The following HERC2 variants were observed in gnomAD, a reference collection of about 807,000 sequenced individuals.
HERC2 encodes the protein E3 ubiquitin-protein ligase HERC2.
A neutral mutation model predicts 537.7 loss-of-function variants in HERC2; 102 were observed. That is an observed-to-expected ratio of 0.19 (90% CI 0.16 to 0.22). The LOEUF (loss-of-function observed/expected upper bound fraction) is 0.22. HERC2 is among the 10% of genes least tolerant of loss of function. The probability of loss-of-function intolerance (pLI) is 1.00; values close to 1 mark genes in which losing one functional copy is unlikely to be tolerated. For synonymous variants in HERC2, 2,224 were observed against 2,466.2 expected (o/e 0.90, Z 2.91); for missense variants, 4,236 against 6,198.2 (o/e 0.68, Z 10.63).
Position 28,157,707 on chromosome 15 carries a change from A to AT in HERC2, c.10747-4878dup, listed in dbSNP as rs1370862733. On this transcript the variant is annotated intron_variant, in intron 69 of 92. Transcript: ENST00000261609. ...AAAAAACCAGCTCCTGGCTTCATTGATTTTTTGAAGGGTTTTTTGTGTCTC... is the reference window on the plus strand; with the variant it reads ...AAAAAACCAGCTCCTGGCTTCATTGATTTTTTTGAAGGGTTTTTTGTGTCTC... 9.3e-4 allele frequency among the ~76,000 whole-genome samples: 141 copies of AT among 152,138 alleles called. 3 individuals are homozygous for AT. Among genetic ancestry groups the AT allele is most frequent in the African/African-American group, 3.1e-3 (129 of 41,496 alleles).
chr15:28,114,312 G>A (rs1377964489), intron 90 of HERC2, among the ~76,000 whole-genome samples: 1 of 152,212 alleles, frequency 6.6e-6, no homozygotes. Context: ...ACACAGCCCT[G>A]TCCCAGGGAA....
In HERC2 at chr15:28,111,370, T is replaced by C. The variant is rs147271386; in HGVS notation, c.*393A>G. On this transcript the variant is annotated 3_prime_UTR_variant, in exon 93 of 93. Transcript: ENST00000261609. ...ATTTGTTACACAGTTATTTCCAATA[T>C]ACAATCAAGACGACTCACGACACTT... 1.1e-3 allele frequency: 227 copies of C among 204,744 alleles called. 1 individual carries two copies. The highest frequency in any genetic ancestry group is 4.9e-3 in the African/African-American group (212 of 43,548). The allele number at this position is 204,744 out of a possible 1,614,324, so 12.7% of individuals were successfully genotyped here.
At chr15:28,156,194 C>T (rs28784029) in intron 69 of HERC2, among the ~76,000 whole-genome samples, 27,453 of 152,118 alleles carry the variant, frequency 0.18, 3,473 homozygotes, top group Non-Finnish European at 0.29. Flanking sequence ...GGTCAGGTAG[C>T]GTGATGCCTC....
chr15:28,236,647 GTA>G (rs1387181515), intron 26 of HERC2, among the ~76,000 whole-genome samples: 6 of 151,890 alleles, frequency 4.0e-5, no homozygotes, highest in Non-Finnish European at 1.5e-5. Flanking sequence ...GAGTGCAGTG[GTA>G]TGATCATGAC....
chr15:28,310,769 G>A (rs1340155801), intron 2 of HERC2, among the ~76,000 whole-genome samples: 1 of 152,110 alleles, frequency 6.6e-6, no homozygotes, highest in African/African-American at 2.4e-5. Flanking sequence ...AACAGAAACA[G>A]AGAAGGTGAA....
chr15:28,129,721 G>A (rs1297940628), intron 83 of HERC2, among the ~76,000 whole-genome samples: 1 of 151,894 alleles, frequency 6.6e-6, no homozygotes, highest in African/African-American at 2.4e-5. Flanking sequence ...GAAGATGACA[G>A]GGCCAAAGCC....
At chr15:28,315,540 C>G (rs2077058929) in intron 2 of HERC2, 4 of 422,642 alleles carry the variant, frequency 9.5e-6, no homozygotes, top group South Asian at 8.1e-5. Flanking sequence ...CATGCTTGTA[C>G]TCCCAGCACT....
At chr15:28,279,156 C>G (rs2075957202) in intron 5 of HERC2, among the ~76,000 whole-genome samples, 1 of 152,096 alleles carries the variant, frequency 6.6e-6, no homozygotes, top group South Asian at 2.1e-4. Context: ...CAAGCCCCGG[C>G]TAATTTTTTT....
intron 40 of HERC2, 50 bp downstream of exon 40, chr15:28,214,605 G>T (rs1899675411): frequency 1.3e-6 from 2 of 1,597,498 alleles, no homozygotes; most frequent in African/African-American, 1.4e-5. Flanking sequence ...CTGAGTGACG[G>T]CACTGCGCCG....
chr15:28,131,141 A>C (rs538799050), intron 81 of HERC2, among the ~76,000 whole-genome samples: 1 of 152,170 alleles, frequency 6.6e-6, no homozygotes, highest in Non-Finnish European at 1.5e-5. Context: ...TTAATTCTGA[A>C]CTCAAATTAA....
chr15:28,245,592 CACACACACACACAGAT>C (rs1903608470), intron 23 of HERC2, among the ~76,000 whole-genome samples: 1 of 139,664 alleles, frequency 7.2e-6, no homozygotes, highest in Non-Finnish European at 1.6e-5. Context: ...CACACACACA[CACACACACACACAGAT>C]ATATATATAC....
intron 19 of HERC2, 111 bp downstream of exon 19, chr15:28,255,761 G>A: frequency 1.7e-6 from 2 of 1,144,638 alleles, no homozygotes; most frequent in South Asian, 3.2e-5. Flanking sequence ...AAAATACTTG[G>A]ATATGATAAA....
At chr15:28,277,209 G>A (rs1470911459) in intron 5 of HERC2, among the ~76,000 whole-genome samples, 1 of 152,154 alleles carries the variant, frequency 6.6e-6, no homozygotes, top group East Asian at 1.9e-4. Context: ...TGGGTATAAA[G>A]GGCCCTTGTC....
In HERC2 at chr15:28,121,369, C is replaced by T. The variant is rs1012750196; in HGVS notation, c.13249G>A (p.Val4417Ile). 21 of 1,614,034 alleles carry T rather than the reference C, an allele frequency of 1.3e-5. No homozygotes were observed. Among genetic ancestry groups the T allele is most frequent in the Non-Finnish European group, 1.5e-5 (18 of 1,180,018 alleles). Residue 4417 changes from valine (V) to isoleucine (I), a missense_variant, in exon 86 of 93, where the codon GTC becomes ATC. Transcript: ENST00000261609. The stretch of plus-strand genomic sequence containing the variant: ...ACCTGGATGCGGTTCAGCTCCACGA[C>T]GGGGCCATGCTGACGATCGCGTACC... Reference protein sequence around the residue: ...TMVRDRQHGPVVELNRIQVKR... With the variant: ...TMVRDRQHGPIVELNRIQVKR...
intron 87 of HERC2, 44 bp downstream of exon 87, chr15:28,116,969 C>G: frequency 1.2e-6 from 2 of 1,613,456 alleles, no homozygotes; most frequent in South Asian, 2.2e-5. Context: ...CTCAGGCGAC[C>G]ACTGCCGGGG....
At chr15:28,178,258 T>C (rs1895487480) in intron 59 of HERC2, among the ~76,000 whole-genome samples, 1 of 152,212 alleles carries the variant, frequency 6.6e-6, no homozygotes, top group East Asian at 1.9e-4. Context: ...CACTGTGTGG[T>C]GCTTGCCTCT....
chr15:28,257,609 T>C (rs2075300499), intron 16 of HERC2, among the ~76,000 whole-genome samples: 1 of 152,190 alleles, frequency 6.6e-6, no homozygotes, highest in Non-Finnish European at 1.5e-5. Context: ...AATTGTTAGA[T>C]GCATATGACA....
rs1893796989 is a variant in HERC2, at chr15:28,163,205, G to A, written c.10635C>T (p.Asp3545=). ...TGAGCAGGTCTACCACCACACGAGTGTCATCCGCAATCAGCAGACTGGTGA... is the reference window on the plus strand; with the variant it reads ...TGAGCAGGTCTACCACCACACGAGTATCATCCGCAATCAGCAGACTGGTGA... ...DEFTSLLIAD[D]TRVVVDLLKL... The change falls in exon 69 of 93, where the codon GAC becomes GAT. Residue 3545 remains aspartate (D), a synonymous_variant. Transcript: ENST00000261609. 1.2e-6 allele frequency: 2 copies of A among 1,613,906 alleles called. No homozygotes were observed. The highest frequency in any genetic ancestry group is 1.7e-6 in the Non-Finnish European group (2 of 1,180,024).
chr15:28,124,069 T>G lies in HERC2; in HGVS notation c.13156A>C (p.Thr4386Pro). 6.2e-7 allele frequency: 1 copy of G among 1,602,058 alleles called. No homozygotes were observed. Among genetic ancestry groups the G allele is most frequent in the East Asian group, 2.3e-5 (1 of 43,948 alleles). Residue 4386 changes from threonine to proline, a missense_variant, in exon 85 of 93, where the codon ACT (threonine) becomes CCT (proline). Coordinates refer to ENST00000261609, the MANE Select transcript of HERC2 (RefSeq NM_004667.6). ...TGLGPSVGFD[T>P]LRGILISQGK... ...TGGGATATCAGAATTCCTCGGAGAG[T>G]GTCGAACCCAACAGAAGGCCCGAGT...
Sources: allele counts gnomAD v4.1 joint callset (sites outside exome capture counted in the v4.1 genomes callset), GRCh38; gene constraint gnomAD v4.1.1; transcripts MANE v1.5; gene names NCBI Gene and HGNC (gene_info 2026-07-23, HGNC 2026-07-21).